The following PTPN2 variants were observed in gnomAD, a reference collection of about 807,000 sequenced individuals.
PTPN2 encodes tyrosine-protein phosphatase non-receptor type 2.
In PTPN2, 19 loss-of-function variants were observed where a neutral mutation model predicts 57.3. That is an observed-to-expected ratio of 0.33 (90% CI 0.23 to 0.49). The LOEUF (loss-of-function observed/expected upper bound fraction) is 0.49, where lower values mean the gene tolerates loss of function less well. Ranked by LOEUF, PTPN2 falls within the 20% of genes least tolerant of loss-of-function variation. The pLI, the probability that PTPN2 is intolerant of heterozygous loss-of-function variation, is 0.99. For synonymous variants in PTPN2, 153 were observed against 164.9 expected, an observed-to-expected ratio of 0.93 and a Z score of 0.55; for missense variants, 358 against 501.1, an observed-to-expected ratio of 0.71 and a Z score of 2.73.
At chr18:12,808,907 C>T (rs1332340584) in intron 7 of PTPN2, among the ~76,000 whole-genome samples, 1 of 152,196 alleles carries the variant, frequency 6.6e-6, no homozygotes, top group Non-Finnish European at 1.5e-5. Flanking sequence ...CACTTCTAAT[C>T]CAGAGGTATG....
chr18:12,818,311 C>A (rs1259743398), intron 5 of PTPN2, among the ~76,000 whole-genome samples: 1 of 152,090 alleles, frequency 6.6e-6, no homozygotes, highest in South Asian at 2.1e-4. Context: ...TCTAAAGAAA[C>A]GATCTTTATA....
intron 1 of PTPN2, among the ~76,000 whole-genome samples, chr18:12,870,365 G>A (rs9959504): frequency 0.32 from 12,141 of 38,116 alleles, 2,118 homozygotes; most frequent in African/African-American, 0.49. Flanking sequence ...ATATATATGT[G>A]TATATATACA....
At chr18:12,795,045 C>A (rs530334467) in intron 8 of PTPN2, among the ~76,000 whole-genome samples, 3 of 152,140 alleles carry the variant, frequency 2.0e-5, no homozygotes, top group Non-Finnish European at 4.4e-5. Flanking sequence ...TTTCTTGACA[C>A]GTGAATTGAT....
intron 7 of PTPN2, among the ~76,000 whole-genome samples, chr18:12,810,202 T>C (rs767339425): frequency 4.0e-5 from 6 of 151,498 alleles, no homozygotes; most frequent in Non-Finnish European, 8.8e-5. Flanking sequence ...CTGTCTCTAC[T>C]AAAAATACAA....
At chr18:12,880,614 A>T (rs954949254) in intron 1 of PTPN2, 1 of 152,326 alleles carries the variant, frequency 6.6e-6, no homozygotes, top group Non-Finnish European at 1.5e-5. Flanking sequence ...CTTACCTGTC[A>T]GGTGGCCCTG....
chr18:12,854,297 T>C (rs1168235137), intron 2 of PTPN2, among the ~76,000 whole-genome samples: 1 of 145,908 alleles, frequency 6.9e-6, no homozygotes, highest in Non-Finnish European at 1.5e-5. Context: ...GAGGCGGAGG[T>C]TGCAGTGAGC....
rs149050255 is a variant in PTPN2, at chr18:12,812,535, G to A, written c.858+1668C>T. ...AACCACTTGAACCTGGGAGGCAGAG[G>A]CTGCAGTGAACCGAGATTGTGCCAT... On this transcript the variant is annotated intron_variant, in intron 7 of 8. Coordinates refer to ENST00000309660, the MANE Select transcript of PTPN2 (RefSeq NM_002828.4). Among the ~76,000 whole-genome samples, 166 of 152,208 alleles carry A rather than the reference G, an allele frequency of 1.1e-3. 3 individuals carry two copies. The East Asian group carries it at 0.028, about 26-fold the overall frequency.
intron 7 of PTPN2, among the ~76,000 whole-genome samples, chr18:12,804,906 G>A (rs937294424): frequency 1.3e-5 from 2 of 151,916 alleles, no homozygotes; most frequent in African/African-American, 2.4e-5. Context: ...AACCAGACAA[G>A]GACACAACAA....
intron 3 of PTPN2, among the ~76,000 whole-genome samples, chr18:12,832,010 T>G (rs968431817): frequency 6.6e-6 from 1 of 152,154 alleles, no homozygotes; most frequent in Non-Finnish European, 1.5e-5. Flanking sequence ...TCAACTCACA[T>G]GGAATGTAGC....
In PTPN2 at chr18:12,859,273, T is replaced by C. The variant is rs1198747359; in HGVS notation, c.70-19A>G. 3.3e-6 allele frequency: 5 copies of C among 1,501,440 alleles called. No individual in the cohort carries two copies. The South Asian group carries it at 3.5e-5, about 11-fold the overall frequency. The allele number at this position is 1,501,440 out of a possible 1,614,324, so 93.0% of individuals were successfully genotyped here. The stretch of plus-strand genomic sequence containing the variant: ...GAATTTCCTTAAAATAACAAAAATA[T>C]ATTTTAATATCCCTCTTAAATTCTC... On this transcript the variant is annotated intron_variant, in intron 1 of 8. Transcript: ENST00000309660.
At chr18:12,799,876 C>G (rs1487780033) in intron 8 of PTPN2, among the ~76,000 whole-genome samples, 1 of 152,160 alleles carries the variant, frequency 6.6e-6, no homozygotes, top group African/African-American at 2.4e-5. Flanking sequence ...AGTGATCCAC[C>G]TGCCTTGACC....
intron 8 of PTPN2, 46 bp from the exon 9 acceptor site, chr18:12,794,531 G>C: frequency 6.3e-7 from 1 of 1,599,730 alleles, no homozygotes; most frequent in African/African-American, 1.3e-5. Flanking sequence ...CACAGAGCAG[G>C]ACTTGAGTAC....
intron 7 of PTPN2, among the ~76,000 whole-genome samples, chr18:12,807,214 A>C (rs1312605755): frequency 1.3e-5 from 2 of 152,092 alleles, no homozygotes; most frequent in Non-Finnish European, 2.9e-5. Context: ...AGAATAATGC[A>C]AATCAATACC....
At chr18:12,801,479 C>T (rs2041421451) in intron 8 of PTPN2, among the ~76,000 whole-genome samples, 1 of 151,644 alleles carries the variant, frequency 6.6e-6, no homozygotes, top group Non-Finnish European at 1.5e-5. Flanking sequence ...GCACTCTAGC[C>T]TGGGTGACAG....
At chr18:12,795,067 T>G (rs1361054724) in intron 8 of PTPN2, among the ~76,000 whole-genome samples, 3 of 152,234 alleles carry the variant, frequency 2.0e-5, no homozygotes, top group Admixed American at 2.0e-4. Context: ...ACTGTTAGTT[T>G]TCTTTCCTTC....
At chr18:12,810,562 C>T (rs1294888109) in intron 7 of PTPN2, among the ~76,000 whole-genome samples, 2 of 152,170 alleles carry the variant, frequency 1.3e-5, no homozygotes, top group African/African-American at 4.8e-5. Context: ...CCTCCTGTCT[C>T]AGATTCCTGA....
intron 2 of PTPN2, among the ~76,000 whole-genome samples, chr18:12,843,693 C>T (rs986681380): frequency 3.9e-5 from 6 of 152,200 alleles, no homozygotes; most frequent in African/African-American, 7.2e-5. Context: ...CAGCCAGGGA[C>T]GCTGTCAGAC....
rs113253418 is a variant in PTPN2, at chr18:12,792,541, G to A, written c.*1737C>T. On this transcript the variant is annotated 3_prime_UTR_variant, in exon 9 of 9. Coordinates refer to ENST00000309660, the MANE Select transcript of PTPN2 (RefSeq NM_002828.4). ...CGTGATCCGCCCGCCTTGGCCTTCC[G>A]AAGTGCTGGGATTACAAGCGTGAGC... 603 of 152,492 alleles carry A rather than the reference G, an allele frequency of 4.0e-3. 4 individuals are homozygous for A. The highest frequency in any genetic ancestry group is 0.013 in the African/African-American group (541 of 41,490). The allele number at this position is 152,492 out of a possible 1,614,324, so 9.4% of individuals were successfully genotyped here.
At position 12,831,049 on chromosome 18, in the gene PTPN2, G is replaced by A. The variant is rs777046893; in HGVS notation, c.262-8C>T. On this transcript the variant is annotated splice_polypyrimidine_tract_variant and splice_region_variant and intron_variant, in intron 3 of 8. Transcript: ENST00000309660. The stretch of plus-strand genomic sequence containing the variant: ...TGTGTTAGGAAGTGGACCCTGTGAA[G>A]AGAGAGGAGAGAGAGCAGATGAGGG... The A allele has an allele frequency of 7.1e-6, 11 of 1,557,906 alleles. No homozygotes were observed. The highest frequency in any genetic ancestry group is 6.7e-5 in the Admixed American group (4 of 59,720).
Sources: allele counts gnomAD v4.1 joint callset (sites outside exome capture counted in the v4.1 genomes callset), GRCh38; gene constraint gnomAD v4.1.1; transcripts MANE v1.5; gene names NCBI Gene and HGNC (gene_info 2026-07-23, HGNC 2026-07-21).